The following CACNB2 variants were observed in gnomAD, a reference collection of about 807,000 sequenced individuals.
CACNB2 encodes calcium voltage-gated channel auxiliary subunit beta 2.
A neutral mutation model predicts 73.3 loss-of-function variants in CACNB2; 42 were observed. That is an observed-to-expected ratio of 0.57 (90% CI 0.45 to 0.74). The LOEUF (loss-of-function observed/expected upper bound fraction) is 0.74. Among genes scored for constraint, CACNB2 ranks in the 30% least tolerant of loss-of-function variants. CACNB2 has a pLI of 0.00. For synonymous variants in CACNB2, 348 were observed against 310.3 expected (o/e 1.12, Z -1.28); for missense variants, 940 against 853.0 (o/e 1.10, Z -1.27).
chr10:18,216,519 T>C (rs12249768), intron 2 of CACNB2, among the ~76,000 whole-genome samples: 3,300 of 152,274 alleles, frequency 0.022, 116 homozygotes, highest in African/African-American at 0.076. Context: ...CCTGATTTCA[T>C]TAGATATGGC....
chr10:18,263,751 A>AGG (rs1172553870), intron 2 of CACNB2, among the ~76,000 whole-genome samples: 1 of 152,164 alleles, frequency 6.6e-6, no homozygotes, highest in African/African-American at 2.4e-5. Flanking sequence ...TGCTTTTATT[A>AGG]GGTTGCCTCC....
chr10:18,403,883 A>C (rs952019019), intron 3 of CACNB2, among the ~76,000 whole-genome samples: 17 of 152,102 alleles, frequency 1.1e-4, no homozygotes, highest in Non-Finnish European at 2.5e-4. Flanking sequence ...AAAAAAAAAA[A>C]AAATAGAAAG....
At chr10:18,186,443 T>C (rs2034156749) in intron 2 of CACNB2, among the ~76,000 whole-genome samples, 1 of 150,978 alleles carries the variant, frequency 6.6e-6, no homozygotes, top group Admixed American at 6.6e-5. Context: ...AAGAAAGAAA[T>C]ACCTGAGACT....
intron 3 of CACNB2, among the ~76,000 whole-genome samples, chr10:18,408,080 T>C (rs991363707): frequency 6.6e-6 from 1 of 152,088 alleles, no homozygotes; most frequent in African/African-American, 2.4e-5. Flanking sequence ...GAAGCACCTA[T>C]TGTAGAGGGT....
At chr10:18,502,904 C>T (rs954512774) in intron 5 of CACNB2, among the ~76,000 whole-genome samples, 9 of 151,728 alleles carry the variant, frequency 5.9e-5, no homozygotes, top group Non-Finnish European at 1.0e-4. Context: ...CACCAAACCC[C>T]TGTGACATGC....
At chr10:18,297,993 T>C (rs577196197) in intron 2 of CACNB2, among the ~76,000 whole-genome samples, 129 of 152,268 alleles carry the variant, frequency 8.5e-4, no homozygotes, top group Admixed American at 1.8e-3. Flanking sequence ...TTACTAAGTG[T>C]CTTGCTGAAC....
chr10:18,527,704 C>G lies in CACNB2; in HGVS notation c.1054+7C>G. 6.4e-7 allele frequency: 1 copy of G among 1,566,436 alleles called. No individual in the cohort carries two copies. The highest frequency in any genetic ancestry group is 8.8e-7 in the Non-Finnish European group (1 of 1,137,520). ...AACACAAGGTCAAGCTTAGGTAAGT[C>G]TGTGCAATGAGCTTAAGCTTTTTAA... On this transcript the variant is annotated splice_region_variant and intron_variant, in intron 10 of 13. Coordinates refer to ENST00000324631, the MANE Select transcript of CACNB2 (RefSeq NM_201596.3).
chr10:18,539,203 C>T lies in CACNB2; in HGVS notation c.1489-27C>T, dbSNP rs200220986. On this transcript the variant is annotated intron_variant, in intron 13 of 13. Transcript: ENST00000324631. ...TTCTTTACACACTGACCTTGGTTAA[C>T]GCCTGGTGTGCTCCTTTCGCTGCCA... is the stretch of plus-strand genomic sequence containing the variant. The T allele has an allele frequency of 3.6e-5, 58 of 1,613,796 alleles. No individual in the cohort carries two copies. The Admixed American group carries it at 4.2e-4, about 12-fold the overall frequency.
rs558327853 is a variant in CACNB2 at position 18,369,543 on chromosome 10, A to C, written c.214-32381A>C. Among the ~76,000 whole-genome samples, 3 of 152,308 alleles carry C rather than the reference A, an allele frequency of 2.0e-5. No homozygotes were observed. The East Asian group carries it at 5.8e-4, about 29-fold the overall frequency. On this transcript the variant is annotated intron_variant, in intron 2 of 13. Coordinates refer to ENST00000324631, the MANE Select transcript of CACNB2 (RefSeq NM_201596.3). ...AAAATAGGCTGCCTTTGAAAGGACTACTTTATTTAAGAAGATATATTTCCT... is the reference window on the plus strand; with the variant it reads ...AAAATAGGCTGCCTTTGAAAGGACTCCTTTATTTAAGAAGATATATTTCCT...
chr10:18,502,998 T>C lies in CACNB2; in HGVS notation c.593+2050T>C, dbSNP rs116372966. Among the ~76,000 whole-genome samples, 1,191 of 152,290 alleles carry C rather than the reference T, an allele frequency of 7.8e-3. 20 individuals are homozygous for C. Among genetic ancestry groups the C allele is most frequent in the African/African-American group, 0.026 (1,099 of 41,530 alleles). On this transcript the variant is annotated intron_variant, in intron 5 of 13. Transcript: ENST00000324631. ...AAAAAGTTGCCTGTAAAGATAACCC[T>C]CTTAGGATTAAAATACTTTACTCTG...
At chr10:18,430,744 A>G (rs1251692028) in intron 3 of CACNB2, among the ~76,000 whole-genome samples, 3 of 152,230 alleles carry the variant, frequency 2.0e-5, no homozygotes, top group South Asian at 2.1e-4. Flanking sequence ...ATACATTCCT[A>G]AAAAGAAACT....
intron 2 of CACNB2, among the ~76,000 whole-genome samples, chr10:18,307,982 A>ATTTTTTTTTTTTTTTTTT (rs1564423318): frequency 1.9e-5 from 1 of 52,666 alleles, no homozygotes; most frequent in South Asian, 5.3e-4. Flanking sequence ...ATATATGCCA[A>ATTTTTTTTTTTTTTTTTT]CTTTTTTTTT....
chr10:18,394,980 G>A (rs2043648288), intron 2 of CACNB2, among the ~76,000 whole-genome samples: 1 of 152,130 alleles, frequency 6.6e-6, no homozygotes, highest in Non-Finnish European at 1.5e-5. Context: ...CAACTTAAAT[G>A]TAACTCCGAA....
intron 2 of CACNB2, among the ~76,000 whole-genome samples, chr10:18,168,905 G>T (rs916902902): frequency 4.6e-5 from 7 of 152,090 alleles, no homozygotes; most frequent in Non-Finnish European, 1.5e-5. Flanking sequence ...GTGTTTCCCT[G>T]CAAAGACCTT....
At chr10:18,200,993 A>G (rs2034853211) in intron 2 of CACNB2, among the ~76,000 whole-genome samples, 1 of 152,196 alleles carries the variant, frequency 6.6e-6, no homozygotes. Flanking sequence ...TTTGGTTTCA[A>G]TAGTATAATA....
chr10:18,431,738 T>C lies in CACNB2; in HGVS notation c.333+29695T>C, dbSNP rs547196844. Among the ~76,000 whole-genome samples the C allele has an allele frequency of 3.3e-5, 5 of 151,138 alleles. No individual in the cohort carries two copies. The South Asian group carries it at 8.4e-4, about 25-fold the overall frequency. ...TAAGCATGGATAAGCCCCAAAGATA[T>C]CTTTGTTGACCTCATTGAATCTCAT... On this transcript the variant is annotated intron_variant, in intron 3 of 13. Coordinates refer to ENST00000324631, the MANE Select transcript of CACNB2 (RefSeq NM_201596.3).
chr10:18,145,736 A>G (rs996561450), intron 1 of CACNB2, among the ~76,000 whole-genome samples: 1 of 152,160 alleles, frequency 6.6e-6, no homozygotes, highest in East Asian at 1.9e-4. Flanking sequence ...ATAACATAAC[A>G]TGGTTATGTT....
intron 3 of CACNB2, among the ~76,000 whole-genome samples, chr10:18,454,387 T>A (rs2047165629): frequency 6.6e-6 from 1 of 152,224 alleles, no homozygotes; most frequent in Non-Finnish European, 1.5e-5. Context: ...TAGGCAGTTT[T>A]TTTCCTAATC....
At chr10:18,235,988 C>T (rs1216500746) in intron 2 of CACNB2, among the ~76,000 whole-genome samples, 1 of 152,134 alleles carries the variant, frequency 6.6e-6, no homozygotes, top group African/African-American at 2.4e-5. Context: ...CTCTCTTCCT[C>T]TTGCTCCAGC....
Sources: allele counts gnomAD v4.1 joint callset (sites outside exome capture counted in the v4.1 genomes callset), GRCh38; gene constraint gnomAD v4.1.1; transcripts MANE v1.5; gene names NCBI Gene and HGNC (gene_info 2026-07-23, HGNC 2026-07-21).